ENGASE: variants seen among roughly 807,000 people sequenced by gnomAD.
ENGASE encodes endo-beta-N-acetylglucosaminidase, also known as cytosolic endo-beta-N-acetylglucosaminidase.
In ENGASE, 69 loss-of-function variants were observed where a neutral mutation model predicts 78.5. That is an observed-to-expected ratio of 0.88 (90% confidence interval 0.72 to 1.07). The LOEUF is 1.07. Among genes scored for constraint, ENGASE ranks in the 50% least tolerant of loss-of-function variants. The pLI is 0.00. For missense variants in ENGASE, 943 were observed against 988.4 expected (o/e 0.95, Z 0.62); for synonymous variants, 408 against 408.9 (o/e 1.00, Z 0.03).
At chr17:79,079,417 C>A (rs2073059826) in intron 3 of ENGASE, 72 bp from the exon 4 acceptor site, 1 of 1,545,952 alleles carries the variant, frequency 6.5e-7, no homozygotes, top group Non-Finnish European at 8.8e-7. Context: ...ATCCACCTGC[C>A]TTGGCCTGCC....
At chr17:79,085,518 C>A in intron 12 of ENGASE, 102 bp from the exon 13 acceptor site, 1 of 1,518,128 alleles carries the variant, frequency 6.6e-7, no homozygotes, top group Non-Finnish European at 8.9e-7. Flanking sequence ...CCCCATGACC[C>A]TGGGATGCAT....
At chr17:79,075,315 C>A (rs1305004138) in intron 1 of ENGASE, among the ~76,000 whole-genome samples, 2 of 152,230 alleles carry the variant, frequency 1.3e-5, no homozygotes, top group Non-Finnish European at 2.9e-5. Context: ...GTGCGTGACC[C>A]CTGCCTATCT....
In ENGASE at chr17:79,085,142, T is replaced by C. The variant is rs1230067503; in HGVS notation, c.1592-92T>C. 24 of 998,714 alleles carry C rather than the reference T, an allele frequency of 2.4e-5. No homozygotes were observed. In the East Asian group the frequency reaches 5.4e-4, roughly 22 times the overall value. 61.9% of individuals were successfully genotyped at this position (998,714 alleles called of 1,614,324 possible). A position where few individuals can be genotyped will look rare whatever the true frequency, so the allele number is the denominator to read the frequency against. Reference sequence around the variant, plus strand: ...GAGCGTCTGGCCGAATCAGGCAGCCTTCTCTGGACTCCTGGGGCGCCCTTG... The same window carrying C: ...GAGCGTCTGGCCGAATCAGGCAGCCCTCTCTGGACTCCTGGGGCGCCCTTG... On this transcript the variant is annotated intron_variant, in intron 11 of 13. Coordinates refer to ENST00000579016, the MANE Select transcript of ENGASE (RefSeq NM_001042573.3).
intron 1 of ENGASE, among the ~76,000 whole-genome samples, chr17:79,076,936 A>G (rs2072982418): frequency 6.6e-6 from 1 of 152,152 alleles, no homozygotes; most frequent in African/African-American, 2.4e-5. Context: ...GTAGTGGCAC[A>G]GTCCCGGCTC....
chr17:79,083,609 T>A lies in ENGASE; in HGVS notation c.1251+19T>A, dbSNP rs1568092374. On this transcript the variant is annotated intron_variant, in intron 9 of 13. Coordinates refer to ENST00000579016, the MANE Select transcript of ENGASE (RefSeq NM_001042573.3). The surrounding 1 kb of genome is among the most constrained non-coding windows in gnomAD (Gnocchi z 4.9). Reference sequence around the variant, plus strand: ...TGGCCAGGTGGGTGGGTGTCTTCCCTCCGTGTCTGTCCTCTGGCCTCAGCT... The same window carrying A: ...TGGCCAGGTGGGTGGGTGTCTTCCCACCGTGTCTGTCCTCTGGCCTCAGCT... 1.2e-6 allele frequency: 2 copies of A among 1,602,110 alleles called. No individual in the cohort carries two copies. Among genetic ancestry groups the A allele is most frequent in the Non-Finnish European group, 1.7e-6 (2 of 1,169,486 alleles).
chr17:79,085,735 G>C lies in ENGASE; in HGVS notation c.1815+1G>C, dbSNP rs768222298. On this transcript the variant is annotated splice_donor_variant, in intron 13 of 13. Transcript: ENST00000579016. LOFTEE classifies it high-confidence loss of function. ...CACCTGTCGGCTTGGAGAGATCCAG[G>C]TGATGCTTCCCAGAGGGGCTCGGGC... 9.9e-6 allele frequency: 16 copies of C among 1,613,214 alleles called. No homozygotes were observed. In the African/African-American group the frequency reaches 1.9e-4, roughly 19 times the overall value.
At chr17:79,084,255 C>T in intron 10 of ENGASE, 1 of 509,678 alleles carries the variant, frequency 2.0e-6, no homozygotes, top group Non-Finnish European at 3.4e-6. Flanking sequence ...CCCCAGCCCC[C>T]CAAAGCCACC....
At chr17:79,075,202 T>G in intron 1 of ENGASE, 112 bp downstream of exon 1, 1 of 1,140,914 alleles carries the variant, frequency 8.8e-7, no homozygotes, top group Non-Finnish European at 1.1e-6. Flanking sequence ...CCGGCGCCTG[T>G]GTCCGCTCCG....
In ENGASE at chr17:79,085,694, G is replaced by A. The variant is rs538364367; in HGVS notation, c.1775G>A (p.Arg592Gln). ...TGCTTCTCACGGCCGCCGGGTAGTC[G>A]GGAGGAGGAGAGCTTCACCTGTCGG... ...LVCFSRPPGS[R>Q]EEESFTCRLG... Residue 592 changes from arginine (R) to glutamine (Q), a missense_variant, in exon 13 of 14, where the codon CGG becomes CAG. Transcript: ENST00000579016. 42 of 1,613,802 alleles carry A rather than the reference G, an allele frequency of 2.6e-5. No individual in the cohort carries two copies. The highest frequency in any genetic ancestry group is 2.0e-4 in the Admixed American group (12 of 60,008).
Position 79,083,707 on chromosome 17 carries a change from C to T in ENGASE, c.1252-54C>T. On this transcript the variant is annotated intron_variant, in intron 9 of 13. Coordinates refer to ENST00000579016, the MANE Select transcript of ENGASE (RefSeq NM_001042573.3). This position sits in a 1 kb window ranked among gnomAD's most constrained non-coding sequence, Gnocchi z 4.9. ...TCTTACCCTTCCCTGCCGCTCCGGG[C>T]ACCCCTGCTCTGTTGGCCTCTGCTG... 1 of 1,574,774 alleles carries T rather than the reference C, an allele frequency of 6.4e-7. No homozygotes were observed. Among genetic ancestry groups the T allele is most frequent in the Admixed American group, 1.8e-5 (1 of 57,060 alleles).
rs2073117731 is a variant in ENGASE at position 79,080,939 on chromosome 17, G to C, written c.738G>C (p.Gly246=). The C allele has an allele frequency of 6.2e-7, 1 of 1,612,600 alleles. No homozygotes were observed. The highest frequency in any genetic ancestry group is 1.7e-5 in the Admixed American group (1 of 59,874). ...TTCTCTTTCAGCTGGCCGCTGTGGGGAACATGCCTCCTTTCCTGCGGTACC... is the reference window on the plus strand; with the variant it reads ...TTCTCTTTCAGCTGGCCGCTGTGGGCAACATGCCTCCTTTCCTGCGGTACC... ...IENSLSLAAV[G]NMPPFLRYLT... The change falls in exon 6 of 14, where the codon GGG becomes GGC. Residue 246 remains glycine, a synonymous_variant. Coordinates refer to ENST00000579016, the MANE Select transcript of ENGASE (RefSeq NM_001042573.3).
chr17:79,075,819 A>G (rs2072955441), intron 1 of ENGASE: 2 of 985,218 alleles, frequency 2.0e-6, no homozygotes, highest in African/African-American at 3.5e-5. Flanking sequence ...GGCTGCTGGG[A>G]AAGATATTTT....
chr17:79,085,747 A>G lies in ENGASE; in HGVS notation c.1815+13A>G. 1.2e-6 allele frequency: 2 copies of G among 1,612,336 alleles called. No individual in the cohort carries two copies. Among genetic ancestry groups the G allele is most frequent in the Non-Finnish European group, 1.7e-6 (2 of 1,179,534 alleles). ...TGGAGAGATCCAGGTGATGCTTCCC[A>G]GAGGGGCTCGGGCTGGGCTGGCTGT... On this transcript the variant is annotated intron_variant, in intron 13 of 13. Transcript: ENST00000579016.
At chr17:79,085,191 C>T (rs2073258455) in intron 11 of ENGASE, 43 bp from the exon 12 acceptor site, 3 of 1,532,850 alleles carry the variant, frequency 2.0e-6, no homozygotes, top group Non-Finnish European at 2.7e-6. Flanking sequence ...GTGCCTTTTC[C>T]TTTGAGATTC....
rs564491074 is a variant in ENGASE at position 79,078,969 on chromosome 17, C to G, written c.417-520C>G. On this transcript the variant is annotated intron_variant, in intron 3 of 13. Transcript: ENST00000579016. ...GGTCCATTAGATGCAATGGCAGATGCCTGATGCCCCGGTCAGAGCACTCTG... is the reference window on the plus strand; with the variant it reads ...GGTCCATTAGATGCAATGGCAGATGGCTGATGCCCCGGTCAGAGCACTCTG... Among the ~76,000 whole-genome samples the G allele has an allele frequency of 2.6e-5, 4 of 152,294 alleles. No individual in the cohort carries two copies. The South Asian group carries it at 8.3e-4, about 32-fold the overall frequency.
Position 79,081,970 on chromosome 17 carries a change from G to A in ENGASE, c.945G>A (p.Leu315=). 6.2e-7 allele frequency: 1 copy of A among 1,614,216 alleles called. No individual in the cohort carries two copies. Among genetic ancestry groups the A allele is most frequent in the South Asian group, 1.1e-5 (1 of 91,082 alleles). Residue 315 remains leucine, a synonymous_variant, in exon 7 of 14, where the codon CTG becomes CTA. Transcript: ENST00000579016. ...GGGAGGAGCACTTGGAGCGGATGCTGGGGCAGGCTGGGGAGCGCCGGGCTG... is the reference window on the plus strand; with the variant it reads ...GGGAGGAGCACTTGGAGCGGATGCTAGGGCAGGCTGGGGAGCGCCGGGCTG... The part of the protein sequence containing the change: ...NWREEHLERM[L]GQAGERRADV...
In ENGASE at chr17:79,083,014, C is replaced by G; in HGVS notation, c.1039-6C>G. 1.2e-6 allele frequency: 2 copies of G among 1,613,492 alleles called. No homozygotes were observed. The highest frequency in any genetic ancestry group is 1.7e-6 in the Non-Finnish European group (2 of 1,179,654). On this transcript the variant is annotated splice_region_variant and splice_polypyrimidine_tract_variant and intron_variant, in intron 7 of 13. Coordinates refer to ENST00000579016, the MANE Select transcript of ENGASE (RefSeq NM_001042573.3). The surrounding 1 kb of genome is among the most constrained non-coding windows in gnomAD (Gnocchi z 4.9). ...ATGTGCCCAGCGTCTCCCTCTGTCT[C>G]TTCAGTCGTTGGAGCTGATCCGAAA...
In ENGASE at chr17:79,083,076, G is replaced by A. The variant is rs2073191338; in HGVS notation, c.1095G>A (p.Trp365Ter). 1.2e-6 allele frequency: 2 copies of A among 1,614,068 alleles called. No individual in the cohort carries two copies. Among genetic ancestry groups the A allele is most frequent in the Non-Finnish European group, 1.7e-6 (2 of 1,179,984 alleles). The change falls in exon 8 of 14, where the codon TGG becomes TGA. Residue 365 changes from tryptophan (W) to a stop codon, truncating the protein, a stop_gained. Coordinates refer to ENST00000579016, the MANE Select transcript of ENGASE (RefSeq NM_001042573.3). LOFTEE classifies it high-confidence loss of function. The surrounding 1 kb of genome is among the most constrained non-coding windows in gnomAD (Gnocchi z 4.9). ...GFSVALFAPG[W>*]VYECLEKKDF... is the part of the protein sequence containing the mutation. ...CCGTGGCTTTGTTTGCCCCCGGCTG[G>A]GTGTATGAGTGTCTGGAGAAGAAGG... is the stretch of plus-strand genomic sequence containing the variant.
In ENGASE at chr17:79,086,282, A is replaced by C; in HGVS notation, c.2165A>C (p.Lys722Thr). The C allele has an allele frequency of 6.2e-7, 1 of 1,613,662 alleles. No homozygotes were observed. Among genetic ancestry groups the C allele is most frequent in the African/African-American group, 1.3e-5 (1 of 75,062 alleles). The change falls in exon 14 of 14, where the codon AAG (lysine) becomes ACG (threonine). Residue 722 changes from lysine (K) to threonine (T), a missense_variant. By Grantham distance (78) the Lys-to-Thr change is moderately conservative. Transcript: ENST00000579016. ...GAATTTCTGGTGGAGCCTGTCCCCA[A>C]GGAAGGGTTCCGGGTACCTCAGGCC... The part of the protein sequence containing the change: ...RMEFLVEPVP[K>T]EGFRVPQAEW...
Sources: gnomAD v4.1 joint callset for allele counts (sites outside exome capture counted in the v4.1 genomes callset) on GRCh38, gnomAD v4.1.1 for gene constraint, Gnocchi (gnomAD v3.1) non-coding constraint, MANE v1.5 for transcripts, NCBI Gene and HGNC (gene_info 2026-07-23, HGNC 2026-07-21) for gene names.